The following GTF2A1 variants were observed in gnomAD, a reference collection of about 807,000 sequenced individuals.
GTF2A1 encodes the protein general transcription factor IIA subunit 1, also known as transcription initiation factor IIA subunit 1.
GTF2A1 carries 12 observed loss-of-function variants against 54.1 expected under a neutral mutation model. The observed-to-expected ratio is 0.22, with a 90% CI of 0.14 to 0.36. The LOEUF (loss-of-function observed/expected upper bound fraction) is 0.36. Among genes scored for constraint, GTF2A1 ranks in the 10% least tolerant of loss-of-function variants. GTF2A1 has a pLI of 1.00. For synonymous variants in GTF2A1, 145 were observed against 152.0 expected (o/e 0.95, Z 0.34); for missense variants, 335 against 442.2 (o/e 0.76, Z 2.17).
chr14:81,180,651 C>A lies in GTF2A1; in HGVS notation c.1024-321G>T, dbSNP rs554945874. On this transcript the variant is annotated intron_variant, in intron 8 of 8. Transcript: ENST00000553612. ...ATTTCACCAAAAAGAACAACAACAA[C>A]AAAAAAACCACACACAAAACTCACT... 1.2e-4 allele frequency among the ~76,000 whole-genome samples: 19 copies of A among 152,048 alleles called. No individual in the cohort carries two copies. The East Asian group carries it at 1.5e-3, about 12-fold the overall frequency.
chr14:81,220,891 C>T lies in GTF2A1; in HGVS notation c.-373G>A, dbSNP rs2140049939. ...CTCCAGCCGTCCGGTCCGCCCGCTT[C>T]TCTCCTTTATATAGCGAGCCAACAA... On this transcript the variant is annotated 5_prime_UTR_variant, in exon 1 of 9. Coordinates refer to ENST00000553612, the MANE Select transcript of GTF2A1 (RefSeq NM_015859.4). 1 of 239,742 alleles carries T rather than the reference C, an allele frequency of 4.2e-6. No individual in the cohort carries two copies. Among genetic ancestry groups the T allele is most frequent in the East Asian group, 8.5e-5 (1 of 11,766 alleles). 14.9% of individuals were successfully genotyped at this position (239,742 alleles called of 1,614,324 possible).
chr14:81,193,291 T>A (rs1255310372), intron 6 of GTF2A1, among the ~76,000 whole-genome samples: 1 of 151,788 alleles, frequency 6.6e-6, no homozygotes, highest in South Asian at 2.1e-4. Context: ...CTCAGCCTCC[T>A]GAGTAGCTGG....
intron 2 of GTF2A1, among the ~76,000 whole-genome samples, chr14:81,211,382 C>CT (rs1272521320): frequency 2.0e-5 from 3 of 152,206 alleles, no homozygotes; most frequent in South Asian, 4.1e-4. Flanking sequence ...AGTCAAAACT[C>CT]TGTTACCTTC....
Position 81,176,470 on chromosome 14 carries a change from T to TA in GTF2A1, c.*3752dup, listed in dbSNP as rs1342455161. 1 of 152,180 alleles carries TA rather than the reference T, an allele frequency of 6.6e-6. No homozygotes were observed. The highest frequency in any genetic ancestry group is 2.4e-5 in the African/African-American group (1 of 41,468). The allele number at this position is 152,180 out of a possible 1,614,324, so 9.4% of individuals were successfully genotyped here. A position where few individuals can be genotyped will look rare whatever the true frequency, so the allele number is the denominator to read the frequency against. ...AAGGAACCTTGACTGAAAGAGTAGT[T>TA]ACTAACTCAATGTGTAGTAACTTCC... is the stretch of plus-strand genomic sequence containing the variant. On this transcript the variant is annotated 3_prime_UTR_variant, in exon 9 of 9. Coordinates refer to ENST00000553612, the MANE Select transcript of GTF2A1 (RefSeq NM_015859.4).
At chr14:81,206,763 C>T (rs768744737) in intron 2 of GTF2A1, among the ~76,000 whole-genome samples, 47 of 152,156 alleles carry the variant, frequency 3.1e-4, no homozygotes, top group Middle Eastern at 3.4e-3. Context: ...TTGTAGCCCT[C>T]TCTCCTTCTC....
chr14:81,183,623 G>A (rs1228252564), intron 8 of GTF2A1, among the ~76,000 whole-genome samples: 1 of 152,190 alleles, frequency 6.6e-6, no homozygotes, highest in East Asian at 1.9e-4. Flanking sequence ...CTTAAAGCCA[G>A]GAGAAAGCCC....
intron 4 of GTF2A1, among the ~76,000 whole-genome samples, chr14:81,198,819 T>C (rs1454518842): frequency 1.3e-5 from 2 of 152,166 alleles, no homozygotes; most frequent in African/African-American, 2.4e-5. Flanking sequence ...TCAACAAACT[T>C]AGAAAATTAT....
intron 2 of GTF2A1, chr14:81,209,923 G>C (rs1893323065): frequency 1.6e-6 from 2 of 1,268,178 alleles, no homozygotes; most frequent in East Asian, 1.1e-4. Context: ...GGCAGCAACT[G>C]TCTTATTCAG....
chr14:81,210,880 A>T (rs1893350040), intron 2 of GTF2A1, among the ~76,000 whole-genome samples: 1 of 152,208 alleles, frequency 6.6e-6, no homozygotes, highest in South Asian at 2.1e-4. Flanking sequence ...CTAACATAGT[A>T]TTGAAAACAA....
intron 7 of GTF2A1, among the ~76,000 whole-genome samples, chr14:81,188,318 G>A (rs1892793514): frequency 6.6e-6 from 1 of 152,056 alleles, no homozygotes; most frequent in Non-Finnish European, 1.5e-5. Flanking sequence ...AGGTCAAGAT[G>A]CTGAGGCTGC....
intron 2 of GTF2A1, among the ~76,000 whole-genome samples, chr14:81,213,199 G>C (rs1893411217): frequency 6.6e-6 from 1 of 152,104 alleles, no homozygotes; most frequent in Non-Finnish European, 1.5e-5. Context: ...AGAAGCTGGG[G>C]ATTCAAAATT....
At chr14:81,190,549 T>C (rs1194463108) in intron 7 of GTF2A1, among the ~76,000 whole-genome samples, 1 of 152,004 alleles carries the variant, frequency 6.6e-6, no homozygotes, top group Non-Finnish European at 1.5e-5. Flanking sequence ...ACGTGAGAAA[T>C]TATACAAATC....
intron 6 of GTF2A1, among the ~76,000 whole-genome samples, chr14:81,193,879 C>A (rs1337002978): frequency 1.3e-5 from 2 of 152,068 alleles, no homozygotes; most frequent in African/African-American, 4.8e-5. Context: ...AATGCTTACA[C>A]GTGGTGTAAC....
Position 81,220,585 on chromosome 14 carries a change from A to G in GTF2A1, c.-67T>C. On this transcript the variant is annotated 5_prime_UTR_variant, in exon 1 of 9. Transcript: ENST00000553612. ...ACAAGATAAAAACAAAACCAAAAAAAAAAAAACTATAACACCCGGAGGGTG... is the reference window on the plus strand; with the variant it reads ...ACAAGATAAAAACAAAACCAAAAAAGAAAAAACTATAACACCCGGAGGGTG... The G allele has an allele frequency of 7.6e-7, 1 of 1,309,510 alleles. No homozygotes were observed. The highest frequency in any genetic ancestry group is 1.0e-6 in the Non-Finnish European group (1 of 969,506). 81.1% of individuals were successfully genotyped at this position (1,309,510 alleles called of 1,614,324 possible).
chr14:81,184,020 T>C (rs2033255), intron 8 of GTF2A1, among the ~76,000 whole-genome samples: 17,364 of 152,266 alleles, frequency 0.11, 2,274 homozygotes, highest in African/African-American at 0.32. Context: ...ATTAGACCTC[T>C]GCAAATTTTA....
intron 2 of GTF2A1, among the ~76,000 whole-genome samples, chr14:81,215,491 C>G (rs553904609): frequency 3.9e-5 from 6 of 152,266 alleles, no homozygotes; most frequent in African/African-American, 1.4e-4. Flanking sequence ...TTCTAATCAA[C>G]AGGGCAAAAA....
intron 2 of GTF2A1, among the ~76,000 whole-genome samples, chr14:81,215,801 C>T (rs1893476066): frequency 6.6e-6 from 1 of 151,916 alleles, no homozygotes; most frequent in Non-Finnish European, 1.5e-5. Context: ...TTTGGGAGGC[C>T]GAGGCGGGAG....
rs3040311 is a variant in GTF2A1, at chr14:81,218,106, T to TG, written c.31-1593_31-1592insC. 7.9e-5 allele frequency among the ~76,000 whole-genome samples: 12 copies of TG among 151,710 alleles called. No individual in the cohort carries two copies. In the South Asian group the frequency reaches 2.5e-3, roughly 32 times the overall value. On this transcript the variant is annotated intron_variant, in intron 1 of 8. Coordinates refer to ENST00000553612, the MANE Select transcript of GTF2A1 (RefSeq NM_015859.4). Reference sequence around the variant, plus strand: ...TCTCTATAAAGTGCTTTTTTTTTTTTAACCAATAATTACTCCTCGAGGCGT... The same window carrying TG: ...TCTCTATAAAGTGCTTTTTTTTTTTTGAACCAATAATTACTCCTCGAGGCGT...
intron 4 of GTF2A1, among the ~76,000 whole-genome samples, chr14:81,200,723 T>C (rs1893087608): frequency 1.3e-5 from 2 of 151,958 alleles, no homozygotes; most frequent in African/African-American, 4.8e-5. Flanking sequence ...AAATATTGAT[T>C]CTTTCACCTT....
Sources: gnomAD v4.1 joint callset for allele counts (sites outside exome capture counted in the v4.1 genomes callset) on GRCh38, gnomAD v4.1.1 for gene constraint, MANE v1.5 for transcripts, NCBI Gene and HGNC (gene_info 2026-07-23, HGNC 2026-07-21) for gene names.